Variants in MACROD2 observed in about 807,000 individuals in gnomAD.
MACROD2 encodes the protein ADP-ribose glycohydrolase MACROD2.
In MACROD2, 36 loss-of-function variants were observed where a neutral mutation model predicts 70.4. The ratio of observed to expected loss-of-function variants is 0.51; its 90% CI spans 0.39 to 0.68. The LOEUF is 0.68. MACROD2 is among the 30% of genes least tolerant of loss of function. The pLI is 0.00. For missense variants in MACROD2, 496 were observed against 538.4 expected (o/e 0.92, Z 0.78); for synonymous variants, 172 against 178.8 (o/e 0.96, Z 0.30).
intron 6 of MACROD2, among the ~76,000 whole-genome samples, chr20:15,264,768 C>A (rs941787017): frequency 6.6e-6 from 1 of 152,086 alleles, no homozygotes; most frequent in African/African-American, 2.4e-5. Context: ...TAACAACAAT[C>A]TCATTCCTCC....
At chr20:14,072,305 C>T (rs142391987) in intron 2 of MACROD2, among the ~76,000 whole-genome samples, 1 of 152,016 alleles carries the variant, frequency 6.6e-6, no homozygotes, top group Non-Finnish European at 1.5e-5. Flanking sequence ...CATTTTGCCA[C>T]TAAAGGAAGA....
chr20:14,862,693 A>G (rs1331490701), intron 5 of MACROD2, among the ~76,000 whole-genome samples: 1 of 64,632 alleles, frequency 1.5e-5, no homozygotes, highest in Non-Finnish European at 3.0e-5. Context: ...ATATATAAAT[A>G]TATATAAATA....
At chr20:14,539,932 C>G (rs1026686079) in intron 4 of MACROD2, among the ~76,000 whole-genome samples, 2 of 152,094 alleles carry the variant, frequency 1.3e-5, no homozygotes, top group Non-Finnish European at 1.5e-5. Context: ...GGATGCTAAG[C>G]AAATCTGTTT....
At chr20:14,221,247 G>T (rs565229337) in intron 3 of MACROD2, among the ~76,000 whole-genome samples, 1 of 152,142 alleles carries the variant, frequency 6.6e-6, no homozygotes, top group Admixed American at 6.5e-5. Context: ...TGGAATGAGA[G>T]AGTCTTGAGT....
At chr20:15,601,824 C>A (rs1291346677) in intron 8 of MACROD2, among the ~76,000 whole-genome samples, 1 of 152,022 alleles carries the variant, frequency 6.6e-6, no homozygotes, top group African/African-American at 2.4e-5. Context: ...GTCAGGAGAT[C>A]GAGACCATCC....
In MACROD2 at chr20:14,979,615, A is replaced by G. The variant is rs927005457; in HGVS notation, c.419-250325A>G. Among the ~76,000 whole-genome samples the G allele has an allele frequency of 3.9e-4, 59 of 152,232 alleles. 1 individual carries two copies. The highest frequency in any genetic ancestry group is 1.1e-3 in the African/African-American group (47 of 41,458). On this transcript the variant is annotated intron_variant, in intron 5 of 17. Coordinates refer to ENST00000684519, the MANE Select transcript of MACROD2 (RefSeq NM_001351661.2). ...AAAAGAAATGGGTTCTTGATAAGTT[A>G]TGTGAATTGTGCTTCGACATAAATG...
At chr20:14,254,990 C>T (rs2082041398) in intron 3 of MACROD2, among the ~76,000 whole-genome samples, 1 of 152,042 alleles carries the variant, frequency 6.6e-6, no homozygotes, top group Non-Finnish European at 1.5e-5. Context: ...TTTATTTCTC[C>T]TTCACTTATG....
At chr20:14,933,445 C>G (rs2074313718) in intron 5 of MACROD2, among the ~76,000 whole-genome samples, 1 of 152,018 alleles carries the variant, frequency 6.6e-6, no homozygotes, top group Non-Finnish European at 1.5e-5. Context: ...TTTGGGAAGC[C>G]AAGGTGGGTA....
chr20:16,007,681 G>A (rs1371042722), intron 15 of MACROD2, among the ~76,000 whole-genome samples: 2 of 152,152 alleles, frequency 1.3e-5, no homozygotes, highest in Admixed American at 1.3e-4. Context: ...AAGGGTATGA[G>A]GAGTAAAATA....
intron 5 of MACROD2, among the ~76,000 whole-genome samples, chr20:14,688,757 A>C (rs548951942): frequency 6.6e-6 from 1 of 152,314 alleles, no homozygotes; most frequent in South Asian, 2.1e-4. Flanking sequence ...CCAAGTAGTC[A>C]GCTTCACATA....
chr20:14,146,085 G>A (rs2054938923), intron 3 of MACROD2, among the ~76,000 whole-genome samples: 1 of 152,198 alleles, frequency 6.6e-6, no homozygotes, highest in Admixed American at 6.5e-5. Flanking sequence ...CACTTTGGGA[G>A]GCTGAGGCGG....
At chr20:14,017,441 T>C (rs1337919807) in intron 2 of MACROD2, among the ~76,000 whole-genome samples, 1 of 152,126 alleles carries the variant, frequency 6.6e-6, no homozygotes, top group African/African-American at 2.4e-5. Flanking sequence ...CCACTGAGTA[T>C]TGAGTATTGT....
chr20:14,338,114 C>A (rs1413066332), intron 3 of MACROD2, among the ~76,000 whole-genome samples: 1 of 152,134 alleles, frequency 6.6e-6, no homozygotes, highest in Non-Finnish European at 1.5e-5. Flanking sequence ...CAAATATATA[C>A]ATCAGGGCTG....
intron 3 of MACROD2, among the ~76,000 whole-genome samples, chr20:14,131,715 C>T (rs1218245073): frequency 6.6e-6 from 1 of 152,062 alleles, no homozygotes; most frequent in African/African-American, 2.4e-5. Context: ...GTTTCATGTC[C>T]TTTGGCTTTT....
intron 3 of MACROD2, among the ~76,000 whole-genome samples, chr20:14,171,012 A>T (rs1043191595): frequency 1.3e-5 from 2 of 152,128 alleles, no homozygotes; most frequent in Admixed American, 1.3e-4. Context: ...TTACCATTTC[A>T]GTCTCGCTGC....
At chr20:14,289,219 A>G (rs1232321282) in intron 3 of MACROD2, among the ~76,000 whole-genome samples, 5 of 152,204 alleles carry the variant, frequency 3.3e-5, no homozygotes, top group Non-Finnish European at 5.9e-5. Flanking sequence ...GTGCTTGTGG[A>G]TTCATGCAGA....
chr20:14,037,488 C>G (rs914426553), intron 2 of MACROD2, among the ~76,000 whole-genome samples: 1 of 151,992 alleles, frequency 6.6e-6, no homozygotes, highest in Admixed American at 6.6e-5. Context: ...TATTGGTGGA[C>G]GTGAAAATAT....
At chr20:15,121,870 T>C (rs904793837) in intron 5 of MACROD2, among the ~76,000 whole-genome samples, 95 of 152,268 alleles carry the variant, frequency 6.2e-4, no homozygotes, top group African/African-American at 2.2e-3. Context: ...TTATGATACT[T>C]AGGTTAGGAT....
intron 3 of MACROD2, among the ~76,000 whole-genome samples, chr20:14,435,090 G>A (rs981341097): frequency 3.9e-5 from 6 of 152,126 alleles, no homozygotes; most frequent in African/African-American, 1.2e-4. Flanking sequence ...GTGGCCAGAA[G>A]TCTGAACTGA....
Sources: allele counts gnomAD v4.1 joint callset (sites outside exome capture counted in the v4.1 genomes callset), GRCh38; gene constraint gnomAD v4.1.1; transcripts MANE v1.5; gene names NCBI Gene and HGNC (gene_info 2026-07-23, HGNC 2026-07-21).